The following IL4R variants were observed in gnomAD, a reference collection of about 807,000 sequenced individuals.
The protein encoded by IL4R is interleukin 4 receptor, also known as interleukin-4 receptor subunit alpha.
In IL4R, 17 loss-of-function variants were observed where a neutral mutation model predicts 41.5. That is an observed-to-expected ratio of 0.41 (90% confidence interval 0.28 to 0.61). The LOEUF (loss-of-function observed/expected upper bound fraction) is 0.61. Ranked by LOEUF, IL4R falls within the 20% of genes least tolerant of loss-of-function variation. The pLI is 0.31. For synonymous variants in IL4R, 402 were observed against 422.9 expected (o/e 0.95, Z 0.61); for missense variants, 974 against 1,043.1 (o/e 0.93, Z 0.91).
rs559461801 is a variant in IL4R, at chr16:27,340,596, C to T, written c.70+323C>T. Among the ~76,000 whole-genome samples the T allele has an allele frequency of 2.6e-5, 4 of 152,184 alleles. No individual in the cohort carries two copies. The South Asian group carries it at 8.3e-4, about 32-fold the overall frequency. The stretch of plus-strand genomic sequence containing the variant: ...TATTAGCCAGGTGTGGCAGTGCACG[C>T]CTGTAGCCCCAGCTACTCAGGAGGC... On this transcript the variant is annotated intron_variant, in intron 3 of 10. Transcript: ENST00000395762.
At chr16:27,353,259 G>T (rs1195660064) in intron 7 of IL4R, among the ~76,000 whole-genome samples, 1 of 152,182 alleles carries the variant, frequency 6.6e-6, no homozygotes, top group Non-Finnish European at 1.5e-5. Flanking sequence ...GGAGTTTGAG[G>T]CTGCAGTGAG....
chr16:27,349,577 A>T (rs906800377), intron 6 of IL4R, among the ~76,000 whole-genome samples: 1 of 152,176 alleles, frequency 6.6e-6, no homozygotes, highest in Non-Finnish European at 1.5e-5. Context: ...TTTGAGGATT[A>T]TGGGGTTGGG....
intron 9 of IL4R, among the ~76,000 whole-genome samples, chr16:27,359,648 T>A (rs971615518): frequency 1.3e-5 from 2 of 152,204 alleles, no homozygotes; most frequent in Non-Finnish European, 2.9e-5. Context: ...TGCCACTCAC[T>A]GGCAGTGTGG....
intron 2 of IL4R, among the ~76,000 whole-genome samples, chr16:27,333,018 G>A (rs1208067701): frequency 6.6e-6 from 1 of 151,778 alleles, no homozygotes; most frequent in Non-Finnish European, 1.5e-5. Context: ...ATCCATTGTG[G>A]CCTAAGAGCA....
chr16:27,357,355 C>T (rs563403679), intron 8 of IL4R, among the ~76,000 whole-genome samples: 35 of 152,348 alleles, frequency 2.3e-4, no homozygotes, highest in African/African-American at 8.2e-4. Context: ...TTACGGCTCA[C>T]TGCAGCCTCC....
At chr16:27,353,629 C>T (rs1223868973) in intron 7 of IL4R, among the ~76,000 whole-genome samples, 1 of 152,060 alleles carries the variant, frequency 6.6e-6, no homozygotes, top group Non-Finnish European at 1.5e-5. Context: ...CTCTTCCCTC[C>T]ATTCTTTTTT....
chr16:27,363,119 C>T lies in IL4R; in HGVS notation c.1767C>T (p.Ala589=). Residue 589 remains alanine (A), a synonymous_variant, in exon 11 of 11, where the codon GCC becomes GCT. Coordinates refer to ENST00000395762, the MANE Select transcript of IL4R (RefSeq NM_000418.4). ...VHAVEQGGTQ[A]SAVVGLGPPG... is the part of the protein sequence containing the mutation. ...CGGTGGAGCAGGGTGGCACCCAGGC[C>T]AGTGCGGTGGTGGGCTTGGGTCCCC... 2 of 1,614,082 alleles carry T rather than the reference C, an allele frequency of 1.2e-6. No homozygotes were observed. Among genetic ancestry groups the T allele is most frequent in the South Asian group, 1.1e-5 (1 of 91,072 alleles).
At chr16:27,334,810 TC>T (rs2085212071) in intron 2 of IL4R, among the ~76,000 whole-genome samples, 2 of 152,082 alleles carry the variant, frequency 1.3e-5, no homozygotes, top group African/African-American at 4.8e-5. Flanking sequence ...TACAGAGCCT[TC>T]CCCTAGAGAG....
intron 2 of IL4R, among the ~76,000 whole-genome samples, chr16:27,330,774 A>G (rs922309384): frequency 6.6e-6 from 1 of 152,072 alleles, no homozygotes; most frequent in African/African-American, 2.4e-5. Context: ...TGTGATTTCA[A>G]GTATGTTACA....
rs376819610 is a variant in IL4R at position 27,351,150 on chromosome 16, G to C, written c.514-1390G>C. Among the ~76,000 whole-genome samples, 30 of 152,278 alleles carry C rather than the reference G, an allele frequency of 2.0e-4. No individual in the cohort carries two copies. In the South Asian group the frequency reaches 5.8e-3, roughly 29 times the overall value. ...TCAATTGGGGAAGGGTCACTTCTAAGCTCATACAATATTGGTGACATTCAG... is the reference window on the plus strand; with the variant it reads ...TCAATTGGGGAAGGGTCACTTCTAACCTCATACAATATTGGTGACATTCAG... On this transcript the variant is annotated intron_variant, in intron 6 of 10. Coordinates refer to ENST00000395762, the MANE Select transcript of IL4R (RefSeq NM_000418.4).
intron 1 of IL4R, among the ~76,000 whole-genome samples, chr16:27,314,772 A>T (rs987214368): frequency 6.6e-6 from 1 of 152,104 alleles, no homozygotes; most frequent in African/African-American, 2.4e-5. Flanking sequence ...TCTCCGGGAG[A>T]TTTGCTTAAA....
intron 6 of IL4R, among the ~76,000 whole-genome samples, chr16:27,348,934 G>A (rs1443658485): frequency 2.0e-5 from 3 of 152,198 alleles, no homozygotes; most frequent in African/African-American, 7.2e-5. Flanking sequence ...GATTGGATTG[G>A]TCAGCATGCC....
At chr16:27,316,909 T>C (rs1238590493) in intron 1 of IL4R, among the ~76,000 whole-genome samples, 1 of 151,416 alleles carries the variant, frequency 6.6e-6, no homozygotes, top group Admixed American at 6.6e-5. Context: ...TGAATACCTT[T>C]TTTTTTTTTT....
At position 27,364,182 on chromosome 16, in the gene IL4R, C is replaced by T. The variant is rs539608138; in HGVS notation, c.*352C>T. The T allele has an allele frequency of 5.9e-5, 13 of 221,012 alleles. No individual in the cohort carries two copies. The East Asian group carries it at 1.3e-3, about 22-fold the overall frequency. 13.7% of individuals were successfully genotyped at this position (221,012 alleles called of 1,614,324 possible). ...CTGCAGCAGACTGTCCCTGTTGTAA[C>T]TGCCCAAGGCATGTTTTGCCCACCA... On this transcript the variant is annotated 3_prime_UTR_variant, in exon 11 of 11. Coordinates refer to ENST00000395762, the MANE Select transcript of IL4R (RefSeq NM_000418.4).
intron 2 of IL4R, among the ~76,000 whole-genome samples, chr16:27,339,200 T>C (rs960435217): frequency 1.2e-4 from 18 of 152,030 alleles, no homozygotes; most frequent in African/African-American, 4.3e-4. Context: ...CACCATGAGG[T>C]CTCACTATAT....
intron 7 of IL4R, chr16:27,355,607 G>T (rs2086036850): frequency 1.9e-6 from 1 of 528,196 alleles, no homozygotes. Flanking sequence ...GGAGGAGCAG[G>T]GGGCAATGAG....
In IL4R at chr16:27,345,769, G is replaced by A. The variant is rs969089120; in HGVS notation, c.362-698G>A. Among the ~76,000 whole-genome samples the A allele has an allele frequency of 4.0e-5, 6 of 151,492 alleles. No individual in the cohort carries two copies. Among genetic ancestry groups the A allele is most frequent in the African/African-American group, 1.5e-4 (6 of 41,216 alleles). Reference sequence around the variant, plus strand: ...GCGGATCACCGGAGGTCAGGAGTTCGAGACCAGCCTGGACAACATGGTAAA... The same window carrying A: ...GCGGATCACCGGAGGTCAGGAGTTCAAGACCAGCCTGGACAACATGGTAAA... On this transcript the variant is annotated intron_variant, in intron 5 of 10. Coordinates refer to ENST00000395762, the MANE Select transcript of IL4R (RefSeq NM_000418.4). This position sits in a 1 kb window ranked among gnomAD's most constrained non-coding sequence, Gnocchi z 4.5.
chr16:27,329,375 T>C (rs1410877055), intron 1 of IL4R, among the ~76,000 whole-genome samples: 1 of 152,110 alleles, frequency 6.6e-6, no homozygotes, highest in Non-Finnish European at 1.5e-5. Context: ...TGTCTTTTTC[T>C]TATGGCATAT....
intron 1 of IL4R, 70 bp downstream of exon 1, chr16:27,314,090 CGG>C: frequency 1.0e-6 from 1 of 985,032 alleles, no homozygotes; most frequent in Non-Finnish European, 1.2e-6. Context: ...TGAGGGCGTT[CGG>C]GAAGGGCTCG....
Sources: allele counts gnomAD v4.1 joint callset (sites outside exome capture counted in the v4.1 genomes callset), GRCh38; gene constraint gnomAD v4.1.1; non-coding constraint Gnocchi (gnomAD v3.1); transcripts MANE v1.5; gene names NCBI Gene and HGNC (gene_info 2026-07-23, HGNC 2026-07-21).